DMD: variants seen among roughly 807,000 people sequenced by gnomAD.
DMD encodes dystrophin.
Under a neutral mutation model 330.1 loss-of-function variants are expected in DMD, and 63 were observed. That is an observed-to-expected ratio of 0.19 (90% CI 0.16 to 0.24). The LOEUF (loss-of-function observed/expected upper bound fraction) is 0.24, where lower values mean the gene tolerates loss of function less well. Among genes scored for constraint, DMD ranks in the 10% least tolerant of loss-of-function variants. The probability of loss-of-function intolerance (pLI) is 1.00; values close to 1 mark genes in which losing one functional copy is unlikely to be tolerated. For missense variants in DMD, 3,344 were observed against 2,684.1 expected (o/e 1.25, Z -5.43); for synonymous variants, 1,223 against 959.8 (o/e 1.27, Z -5.07).
At chrX:33,309,726 A>G (rs1299183810) in intron 1 of DMD, among the ~76,000 whole-genome samples, 2 of 111,188 alleles carry the variant, frequency 1.8e-5, no homozygotes, top group African/African-American at 6.5e-5. Flanking sequence ...TTTTGTGAAG[A>G]GATATATTTA....
At chrX:32,011,125 C>T (rs1192633297) in intron 44 of DMD, among the ~76,000 whole-genome samples, 6 of 112,171 alleles carry the variant, frequency 5.3e-5, no homozygotes, top group African/African-American at 1.9e-4. Context: ...CAGACATTAA[C>T]AATGAAGATC....
rs57729619 is a variant in DMD, at chrX:31,326,844, C to T, written c.9164-3186G>A. ...TTGATCAAATATGTGGCAGTGCTCACAAGTGTGCCACAGAATTTTTTCATT... is the reference window on the plus strand; with the variant it reads ...TTGATCAAATATGTGGCAGTGCTCATAAGTGTGCCACAGAATTTTTTCATT... On this transcript the variant is annotated intron_variant, in intron 61 of 78. Coordinates refer to ENST00000357033, the MANE Select transcript of DMD (RefSeq NM_004006.3). Among the ~76,000 whole-genome samples, 48 of 111,848 alleles carry T rather than the reference C, an allele frequency of 4.3e-4. No homozygotes were observed. The East Asian group carries it at 0.012, about 29-fold the overall frequency.
chrX:32,592,564 T>A (rs2055042973), intron 13 of DMD, among the ~76,000 whole-genome samples: 1 of 111,580 alleles, frequency 9.0e-6, no homozygotes, highest in Non-Finnish European at 1.9e-5. Flanking sequence ...TCAATGAAGC[T>A]CCTCTGCACC....
At chrX:32,981,033 T>C (rs1183098553) in intron 2 of DMD, among the ~76,000 whole-genome samples, 1 of 111,187 alleles carries the variant, frequency 9.0e-6, no homozygotes, top group Non-Finnish European at 1.9e-5. Context: ...AAAATCAGGG[T>C]AGATGGTTCA....
At chrX:32,537,479 C>G (rs1334192231) in intron 17 of DMD, among the ~76,000 whole-genome samples, 1 of 110,973 alleles carries the variant, frequency 9.0e-6, no homozygotes, top group African/African-American at 3.3e-5. Context: ...AGAACAATGT[C>G]CCAGAAACTG....
intron 1 of DMD, among the ~76,000 whole-genome samples, chrX:33,034,909 A>G (rs1452784427): frequency 8.9e-6 from 1 of 112,201 alleles, no homozygotes. Flanking sequence ...TATGGCATAG[A>G]AAGTGTCTGG....
chrX:31,889,596 A>G (rs1047847487), intron 47 of DMD, among the ~76,000 whole-genome samples: 1 of 107,447 alleles, frequency 9.3e-6, no homozygotes, highest in African/African-American at 3.4e-5. Context: ...TAAAGAAGTT[A>G]AATGTAATTT....
intron 2 of DMD, among the ~76,000 whole-genome samples, chrX:32,911,585 C>T (rs2087245903): frequency 9.0e-6 from 1 of 111,489 alleles, no homozygotes. Flanking sequence ...GCATTTAAAA[C>T]TTGCCAATGG....
intron 7 of DMD, among the ~76,000 whole-genome samples, chrX:32,786,057 T>A (rs1029292370): frequency 1.6e-4 from 17 of 108,158 alleles, no homozygotes; most frequent in Non-Finnish European, 2.7e-4. Context: ...GGCTTCACCA[T>A]GTACTCTTGC....
intron 59 of DMD, among the ~76,000 whole-genome samples, chrX:31,445,001 G>C (rs1316403747): frequency 9.0e-6 from 1 of 111,101 alleles, no homozygotes; most frequent in Non-Finnish European, 1.9e-5. Context: ...TTTTGATCTT[G>C]GACTTCTCAA....
intron 74 of DMD, among the ~76,000 whole-genome samples, chrX:31,158,850 T>C (rs1427170521): frequency 8.9e-6 from 1 of 112,092 alleles, no homozygotes; most frequent in East Asian, 2.8e-4. Context: ...CGTGTGGACA[T>C]TAAATATTTT....
intron 55 of DMD, among the ~76,000 whole-genome samples, chrX:31,536,597 T>G (rs2073423835): frequency 1.8e-5 from 2 of 111,322 alleles, no homozygotes; most frequent in Admixed American, 1.9e-4. Flanking sequence ...TCCAACACCT[T>G]CCTCATCACT....
intron 41 of DMD, among the ~76,000 whole-genome samples, chrX:32,321,833 G>A (rs1799314387): frequency 9.0e-6 from 1 of 111,612 alleles, no homozygotes; most frequent in Non-Finnish European, 1.9e-5. Flanking sequence ...AGGGGCTGGA[G>A]AGAAAGACAA....
intron 1 of DMD, among the ~76,000 whole-genome samples, chrX:33,313,676 T>TAA (rs201536253): frequency 1.0e-5 from 1 of 99,242 alleles, no homozygotes; most frequent in African/African-American, 3.7e-5. Flanking sequence ...GAAGTGGATG[T>TAA]AAAAAAAAAA....
rs1450870894 is a variant in DMD, at chrX:31,508,496, T to C, written c.8218-1043A>G. ...TGGAATATGCAACTGACAGTTTATATTAAACAGCCAACTTTTCTTATCATT... is the reference window on the plus strand; with the variant it reads ...TGGAATATGCAACTGACAGTTTATACTAAACAGCCAACTTTTCTTATCATT... On this transcript the variant is annotated intron_variant, in intron 55 of 78. Transcript: ENST00000357033. 4 of 228,408 alleles carry C rather than the reference T, an allele frequency of 1.8e-5. No individual in the cohort carries two copies. The East Asian group carries it at 3.1e-4, about 18-fold the overall frequency. The allele number at this position is 228,408 out of a possible 1,213,427, so 18.8% of individuals were successfully genotyped here. A position where few individuals can be genotyped will look rare whatever the true frequency, so the allele number is the denominator to read the frequency against.
chrX:31,750,585 C>T (rs1414467317), intron 51 of DMD, among the ~76,000 whole-genome samples: 1 of 110,832 alleles, frequency 9.0e-6, no homozygotes, highest in Admixed American at 9.7e-5. Flanking sequence ...AAAACTGGCA[C>T]AAGACAGGGA....
At chrX:31,210,139 G>A (rs762952973) in intron 64 of DMD, among the ~76,000 whole-genome samples, 1 of 111,833 alleles carries the variant, frequency 8.9e-6, no homozygotes, top group African/African-American at 3.2e-5. Context: ...GTATGGCTAA[G>A]GTTGTGTAAA....
chrX:33,023,985 G>A (rs370515830), intron 1 of DMD, among the ~76,000 whole-genome samples: 4 of 111,155 alleles, frequency 3.6e-5, no homozygotes, highest in African/African-American at 6.5e-5. Flanking sequence ...AATTTTATAC[G>A]TATTTACTTG....
intron 44 of DMD, among the ~76,000 whole-genome samples, chrX:32,170,547 G>T (rs998022472): frequency 9.2e-6 from 1 of 108,908 alleles, no homozygotes; most frequent in African/African-American, 3.3e-5. Context: ...AAACGTAGTA[G>T]TGGCTTCATG....
Sources: allele counts gnomAD v4.1 joint callset (sites outside exome capture counted in the v4.1 genomes callset), GRCh38; gene constraint gnomAD v4.1.1; transcripts MANE v1.5; gene names NCBI Gene and HGNC (gene_info 2026-07-23, HGNC 2026-07-21).